Variants in ABLIM1 observed in about 807,000 individuals in gnomAD.
The protein encoded by ABLIM1 is actin binding LIM protein 1.
In ABLIM1, 40 loss-of-function variants were observed where a neutral mutation model predicts 107.0. The ratio of observed to expected loss-of-function variants is 0.37; its 90% CI spans 0.29 to 0.49. The LOEUF is 0.49. Ranked by LOEUF, ABLIM1 falls within the 20% of genes least tolerant of loss-of-function variation. The pLI is 0.97. For missense variants in ABLIM1, 857 were observed against 1,008.5 expected (o/e 0.85, Z 2.04); for synonymous variants, 357 against 357.3 (o/e 1.00, Z 0.01).
At chr10:114,742,605 GT>G (rs1472390566) in intron 1 of ABLIM1, among the ~76,000 whole-genome samples, 1 of 152,180 alleles carries the variant, frequency 6.6e-6, no homozygotes, top group African/African-American at 2.4e-5. Flanking sequence ...GTGTGCCGCA[GT>G]TTTCTCATCA....
chr10:114,688,080 C>T (rs1017390738), upstream of ABLIM1, among the ~76,000 whole-genome samples: 6 of 152,088 alleles, frequency 3.9e-5, no homozygotes, highest in African/African-American at 1.4e-4. Context: ...AATGCAGTGA[C>T]TTTTGTCCCA....
At chr10:114,780,942 G>C in the ABLIM1 span, among the ~76,000 whole-genome samples, 749 of 152,244 alleles carry the variant, frequency 4.9e-3, 39 homozygotes, top group East Asian at 0.12. Flanking sequence ...ACAGGTTTGG[G>C]AAGAAGTAGA....
intron 1 of ABLIM1, among the ~76,000 whole-genome samples, chr10:114,751,277 AAAAG>A (rs1206857053): frequency 6.6e-6 from 1 of 152,130 alleles, no homozygotes; most frequent in Non-Finnish European, 1.5e-5. Flanking sequence ...AAGTCTGAGA[AAAAG>A]AAAGAAAAAT....
At chr10:114,695,233 C>T (rs2081170804) in intron 1 of ABLIM1, among the ~76,000 whole-genome samples, 1 of 152,176 alleles carries the variant, frequency 6.6e-6, no homozygotes, top group Non-Finnish European at 1.5e-5. Context: ...TCTAAAGCAA[C>T]TAACTCACCT....
intron 1 of ABLIM1, among the ~76,000 whole-genome samples, chr10:114,710,686 T>C (rs984706262): frequency 6.6e-6 from 1 of 152,016 alleles, no homozygotes; most frequent in Non-Finnish European, 1.5e-5. Context: ...GGAGCTGGGG[T>C]GGGAGGATTG....
At chr10:114,510,069 G>C (rs960815819) in intron 6 of ABLIM1, among the ~76,000 whole-genome samples, 1 of 152,088 alleles carries the variant, frequency 6.6e-6, no homozygotes, top group African/African-American at 2.4e-5. Flanking sequence ...CTTCCACCAG[G>C]TCCCTCCCAT....
intron 2 of ABLIM1, among the ~76,000 whole-genome samples, chr10:114,589,516 G>A (rs550521213): frequency 1.1e-4 from 17 of 150,578 alleles, no homozygotes; most frequent in African/African-American, 4.1e-4. Context: ...GCAATAGAGT[G>A]AGACTCTGTC....
At chr10:114,781,482 T>G in the ABLIM1 span, among the ~76,000 whole-genome samples, 12 of 151,074 alleles carry the variant, frequency 7.9e-5, no homozygotes, top group Admixed American at 2.6e-4. Context: ...CCAGCCTGGG[T>G]GATGGAGTGA....
At chr10:114,486,861 G>A (rs973957093) in intron 8 of ABLIM1, among the ~76,000 whole-genome samples, 1 of 151,948 alleles carries the variant, frequency 6.6e-6, no homozygotes, top group African/African-American at 2.4e-5. Context: ...AATTGAGGAG[G>A]AAAAGAAAAA....
intron 6 of ABLIM1, among the ~76,000 whole-genome samples, chr10:114,542,453 AAAG>A (rs372261142): frequency 3.6e-4 from 54 of 151,486 alleles, no homozygotes; most frequent in African/African-American, 1.1e-3. Context: ...AAAAAAAAGA[AAAG>A]AAGAAGATGA....
intron 4 of ABLIM1, among the ~76,000 whole-genome samples, chr10:114,550,412 G>A (rs2067919279): frequency 6.6e-6 from 1 of 151,986 alleles, no homozygotes; most frequent in African/African-American, 2.4e-5. Flanking sequence ...TTTAGAGCAG[G>A]TGTAGGTTCA....
At chr10:114,648,217 A>G (rs2079087314) in intron 1 of ABLIM1, among the ~76,000 whole-genome samples, 1 of 152,202 alleles carries the variant, frequency 6.6e-6, no homozygotes, top group Admixed American at 6.5e-5. Flanking sequence ...TTCACACAAA[A>G]ACATGTAACA....
chr10:114,662,029 T>C (rs1215278210), upstream of ABLIM1, among the ~76,000 whole-genome samples: 1 of 152,340 alleles, frequency 6.6e-6, no homozygotes, highest in East Asian at 1.9e-4. Context: ...TTCTATATAG[T>C]GATTTAAGTC....
intron 1 of ABLIM1, among the ~76,000 whole-genome samples, chr10:114,749,483 C>CACACACAT (rs540676948): frequency 1.0e-3 from 155 of 150,690 alleles, no homozygotes; most frequent in Middle Eastern, 3.4e-3. Flanking sequence ...CACACACACA[C>CACACACAT]ACCACAAAAC....
At chr10:114,663,614 T>C (rs1379945625) in intron 1 of ABLIM1, among the ~76,000 whole-genome samples, 1 of 152,244 alleles carries the variant, frequency 6.6e-6, no homozygotes, top group East Asian at 1.9e-4. Flanking sequence ...ATACCACATA[T>C]ACAGCTGCAA....
At chr10:114,702,349 T>G (rs556726674) in intron 1 of ABLIM1, among the ~76,000 whole-genome samples, 2 of 152,168 alleles carry the variant, frequency 1.3e-5, no homozygotes, top group Admixed American at 6.6e-5. Context: ...TTTAATGAGA[T>G]GAATGAAACA....
At chr10:114,451,026 C>T (rs192207815) in intron 14 of ABLIM1, among the ~76,000 whole-genome samples, 233 of 152,318 alleles carry the variant, frequency 1.5e-3, no homozygotes, top group Non-Finnish European at 2.1e-3. Flanking sequence ...CAGAGACAAA[C>T]TGATCTAACT....
chr10:114,620,168 T>G (rs932488272), intron 1 of ABLIM1, among the ~76,000 whole-genome samples: 4 of 152,222 alleles, frequency 2.6e-5, no homozygotes, highest in Admixed American at 2.6e-4. Context: ...ATAAGTTTAA[T>G]GGATCATCAC....
intron 1 of ABLIM1, among the ~76,000 whole-genome samples, chr10:114,655,373 C>T (rs2079452104): frequency 6.6e-6 from 1 of 152,194 alleles, no homozygotes; most frequent in Non-Finnish European, 1.5e-5. Flanking sequence ...ATCCAGCATG[C>T]TTTCATTAAA....
Sources: allele counts gnomAD v4.1 joint callset (sites outside exome capture counted in the v4.1 genomes callset), GRCh38; gene constraint gnomAD v4.1.1; transcripts MANE v1.5; gene names NCBI Gene and HGNC (gene_info 2026-07-23, HGNC 2026-07-21).